The following TRPM2 variants were observed in gnomAD, a reference collection of about 807,000 sequenced individuals.
The protein encoded by TRPM2 is transient receptor potential cation channel subfamily M member 2, also known as estrogen-responsive element-associated gene 1 protein.
In TRPM2, 161 loss-of-function variants were observed where a neutral mutation model predicts 174.0. The ratio of observed to expected loss-of-function variants is 0.93; its 90% CI spans 0.81 to 1.05. The LOEUF (loss-of-function observed/expected upper bound fraction) is 1.05, where lower values mean the gene tolerates loss of function less well. TRPM2 is among the 50% of genes least tolerant of loss of function. The pLI, the probability that TRPM2 is intolerant of heterozygous loss-of-function variation, is 0.00. For missense variants in TRPM2, 2,057 were observed against 2,038.0 expected, an observed-to-expected ratio of 1.01 and a Z score of -0.18; for synonymous variants, 954 against 861.3, an observed-to-expected ratio of 1.11 and a Z score of -1.88.
intron 17 of TRPM2, 124 bp downstream of exon 17, chr21:44,405,384 GT>G: frequency 2.1e-6 from 3 of 1,440,942 alleles, no homozygotes; most frequent in Non-Finnish European, 2.8e-6. Flanking sequence ...ACCCTGGATT[GT>G]CATCTGTCCA....
intron 12 of TRPM2, among the ~76,000 whole-genome samples, chr21:44,395,908 G>C (rs1351886622): frequency 1.5e-4 from 1 of 6,510 alleles, no homozygotes; most frequent in Non-Finnish European, 3.1e-4. Context: ...CTGTGGAGGG[G>C]TGTGGAGGCT....
At chr21:44,406,825 G>A (rs1265054274) in intron 19 of TRPM2, 60 bp downstream of exon 19, 24 of 1,544,436 alleles carry the variant, frequency 1.6e-5, no homozygotes, top group Non-Finnish European at 2.0e-5. Flanking sequence ...AGAGAGGCTG[G>A]AAAGGGGCCG....
chr21:44,427,755 G>C (rs2050860598), intron 27 of TRPM2, among the ~76,000 whole-genome samples: 1 of 152,180 alleles, frequency 6.6e-6, no homozygotes, highest in African/African-American at 2.4e-5. Flanking sequence ...TGCGTGGCAG[G>C]CCTTTGCAGA....
intron 3 of TRPM2, among the ~76,000 whole-genome samples, chr21:44,365,986 G>A (rs2048348678): frequency 6.6e-6 from 1 of 152,224 alleles, no homozygotes; most frequent in South Asian, 2.1e-4. Context: ...GCACCTAATG[G>A]CATTTCTGGA....
intron 7 of TRPM2, 30 bp downstream of exon 7, chr21:44,377,803 T>G: frequency 6.2e-7 from 1 of 1,612,686 alleles, no homozygotes; most frequent in Non-Finnish European, 8.5e-7. Context: ...AGGGGGCATG[T>G]GTGGGCCCGT....
At position 44,406,659 on chromosome 21, in the gene TRPM2, G is replaced by A. The variant is rs2049890323; in HGVS notation, c.2856G>A (p.Lys952=). ...GGGTGGTGTCCTTCGGGGTGGCCAAGCAGGCCATCCTCATCCACAACGAGC... is the reference window on the plus strand; with the variant it reads ...GGGTGGTGTCCTTCGGGGTGGCCAAACAGGCCATCCTCATCCACAACGAGC... The part of the protein sequence containing the change: ...AVWVVSFGVA[K]QAILIHNERR... The change falls in exon 19 of 32, where the codon AAG becomes AAA. Residue 952 remains lysine, a synonymous_variant. Transcript: ENST00000397928. The A allele has an allele frequency of 3.1e-6, 5 of 1,610,378 alleles. No individual in the cohort carries two copies. The highest frequency in any genetic ancestry group is 4.5e-5 in the East Asian group (2 of 44,858).
At chr21:44,417,336 C>T (rs1487684906) in intron 20 of TRPM2, among the ~76,000 whole-genome samples, 6 of 122,002 alleles carry the variant, frequency 4.9e-5, no homozygotes, top group Non-Finnish European at 8.7e-5. Flanking sequence ...TCTGGCATCA[C>T]AGTGGGCACG....
chr21:44,406,715 T>A lies in TRPM2; in HGVS notation c.2912T>A (p.Val971Asp). The change falls in exon 19 of 32, where the codon GTC (valine) becomes GAC (aspartate). Residue 971 changes from valine to aspartate, a missense_variant. Val to Asp is a radical substitution (Grantham distance 152). Coordinates refer to ENST00000397928, the MANE Select transcript of TRPM2 (RefSeq NM_003307.4). ...RRVDWLFRGA[V>D]YHSYLTIFGQ... ...GTGGACTGGCTGTTCCGAGGGGCCG[T>A]CTACCACTCCTACCTCACCATCTTC... 1 of 1,608,476 alleles carries A rather than the reference T, an allele frequency of 6.2e-7. No individual in the cohort carries two copies. The highest frequency in any genetic ancestry group is 8.5e-7 in the Non-Finnish European group (1 of 1,179,050).
rs1002033333 is a variant in TRPM2, at chr21:44,365,001, C to G, written c.423+719C>G. Among the ~76,000 whole-genome samples the G allele has an allele frequency of 7.4e-5, 11 of 148,530 alleles. No individual in the cohort carries two copies. The East Asian group carries it at 2.2e-3, about 29-fold the overall frequency. On this transcript the variant is annotated intron_variant, in intron 3 of 31. Coordinates refer to ENST00000397928, the MANE Select transcript of TRPM2 (RefSeq NM_003307.4). ...GCCTTCTGGAGGGTTCTGAGACTCG[C>G]GTGTTGACCAGCCTTTTGGAGGGTT...
chr21:44,379,449 C>T (rs45564537), intron 8 of TRPM2, among the ~76,000 whole-genome samples: 3,061 of 152,266 alleles, frequency 0.02, 123 homozygotes, highest in African/African-American at 0.069. Context: ...GGGCTGGGAA[C>T]GCTGCGGGGC....
intron 28 of TRPM2, 41 bp downstream of exon 28, chr21:44,435,258 G>A (rs751398898): frequency 4.7e-5 from 75 of 1,593,926 alleles, no homozygotes; most frequent in African/African-American, 1.1e-4. Context: ...TCAGCAAGGC[G>A]GTCACCCCAC....
At chr21:44,375,024 A>G (rs935060836) in intron 5 of TRPM2, among the ~76,000 whole-genome samples, 1 of 151,952 alleles carries the variant, frequency 6.6e-6, no homozygotes, top group Non-Finnish European at 1.5e-5. Flanking sequence ...TGATCTTCCC[A>G]TCTCAGCCTC....
chr21:44,408,616 A>G (rs927271298), intron 19 of TRPM2, among the ~76,000 whole-genome samples: 4 of 150,076 alleles, frequency 2.7e-5, no homozygotes, highest in Non-Finnish European at 4.4e-5. Context: ...GTCGTCTGTA[A>G]GTCTTCTTTC....
chr21:44,418,150 CG>C (rs2050381231), intron 21 of TRPM2, 42 bp downstream of exon 21: 3 of 1,581,162 alleles, frequency 1.9e-6, no homozygotes, highest in Non-Finnish European at 2.6e-6. Context: ...CCTGGCCACC[CG>C]GGTGCAGAGG....
At chr21:44,371,885 C>T (rs1401153623) in intron 5 of TRPM2, among the ~76,000 whole-genome samples, 1 of 152,176 alleles carries the variant, frequency 6.6e-6, no homozygotes, top group Admixed American at 6.5e-5. Context: ...GTCATCCCAG[C>T]ACATTGGGAG....
intron 16 of TRPM2, among the ~76,000 whole-genome samples, chr21:44,403,297 G>C (rs537185533): frequency 1.3e-5 from 2 of 152,336 alleles, no homozygotes; most frequent in Non-Finnish European, 2.9e-5. Context: ...CCTGGGGCTA[G>C]GGAGGGTGTG....
At chr21:44,427,646 TGGA>T (rs1037099036) in intron 27 of TRPM2, among the ~76,000 whole-genome samples, 1 of 150,736 alleles carries the variant, frequency 6.6e-6, no homozygotes, top group African/African-American at 2.4e-5. Context: ...GAGGAGGAGG[TGGA>T]GGAGGGGCCA....
At chr21:44,436,852 A>G (rs1005279485) in intron 28 of TRPM2, among the ~76,000 whole-genome samples, 1 of 152,098 alleles carries the variant, frequency 6.6e-6, no homozygotes, top group Admixed American at 6.5e-5. Context: ...TTCTAGTTCT[A>G]CCAGCTATGA....
chr21:44,380,831 T>C (rs897474792), intron 8 of TRPM2, among the ~76,000 whole-genome samples: 14 of 152,138 alleles, frequency 9.2e-5, no homozygotes, highest in Admixed American at 7.2e-4. Context: ...ATCTGTTAAG[T>C]AGGGGTACTG....
Sources: gnomAD v4.1 joint callset for allele counts (sites outside exome capture counted in the v4.1 genomes callset) on GRCh38, gnomAD v4.1.1 for gene constraint, MANE v1.5 for transcripts, NCBI Gene and HGNC (gene_info 2026-07-23, HGNC 2026-07-21) for gene names.